The following C2CD3 variants were observed in gnomAD, a reference collection of about 807,000 sequenced individuals.
C2CD3 encodes C2 domain-containing protein 3.
In C2CD3, 148 loss-of-function variants were observed where a neutral mutation model predicts 234.0. That is an observed-to-expected ratio of 0.63 (90% CI 0.55 to 0.72). C2CD3 has a LOEUF of 0.72. C2CD3 is among the 30% of genes least tolerant of loss of function. C2CD3 has a pLI of 0.00. For synonymous variants in C2CD3, 1,000 were observed against 1,035.4 expected (o/e 0.97, Z 0.66); for missense variants, 2,577 against 2,811.5 (o/e 0.92, Z 1.89).
At chr11:74,139,555 C>T in intron 4 of C2CD3, 50 bp downstream of exon 4, 1 of 1,233,234 alleles carries the variant, frequency 8.1e-7, no homozygotes, top group Non-Finnish European at 1.2e-6. Context: ...GAAATCACAA[C>T]TACAGTGCAG....
intron 28 of C2CD3, among the ~76,000 whole-genome samples, chr11:74,044,410 G>A (rs986702588): frequency 1.3e-5 from 2 of 150,798 alleles, no homozygotes; most frequent in Non-Finnish European, 2.9e-5. Flanking sequence ...GGCCAAGATC[G>A]TGCCACTGCA....
At chr11:74,026,807 A>G (rs1174983150) in intron 32 of C2CD3, among the ~76,000 whole-genome samples, 1 of 151,892 alleles carries the variant, frequency 6.6e-6, no homozygotes, top group Non-Finnish European at 1.5e-5. Context: ...GTCTCTACTA[A>G]AAATACAAAA....
chr11:74,057,641 C>T (rs1433414862), intron 24 of C2CD3, 97 bp from the exon 25 acceptor site: 3 of 1,260,292 alleles, frequency 2.4e-6, no homozygotes, highest in East Asian at 4.7e-5. Flanking sequence ...CCTCTTCTTC[C>T]TATGGGGTCT....
intron 3 of C2CD3, among the ~76,000 whole-genome samples, chr11:74,159,750 G>A (rs1280661253): frequency 3.3e-5 from 5 of 151,998 alleles, no homozygotes; most frequent in Non-Finnish European, 7.4e-5. Context: ...TAAATTTAGT[G>A]TAGTCTTCTA....
chr11:74,041,158 C>T (rs60932092), intron 29 of C2CD3, among the ~76,000 whole-genome samples: 2,899 of 152,110 alleles, frequency 0.019, 92 homozygotes, highest in African/African-American at 0.066. Context: ...TTTACATACT[C>T]TCCTCCTTTC....
At chr11:74,162,296 G>A (rs1014049532) in intron 2 of C2CD3, among the ~76,000 whole-genome samples, 2 of 152,044 alleles carry the variant, frequency 1.3e-5, no homozygotes, top group African/African-American at 4.8e-5. Context: ...AAAAAGTGCT[G>A]ACTGTATATG....
At chr11:74,132,422 A>C (rs1447007497) in intron 7 of C2CD3, among the ~76,000 whole-genome samples, 1 of 152,242 alleles carries the variant, frequency 6.6e-6, no homozygotes, top group South Asian at 2.1e-4. Context: ...CTCTATATAC[A>C]TCATTTTTAA....
At chr11:74,058,163 C>CAA (rs952466151) in intron 24 of C2CD3, among the ~76,000 whole-genome samples, 8 of 152,066 alleles carry the variant, frequency 5.3e-5, no homozygotes, top group African/African-American at 1.9e-4. Context: ...GTCAGATGAC[C>CAA]AAATATTGGC....
Position 74,153,404 on chromosome 11 carries a change from T to C in C2CD3, c.483+7995A>G, listed in dbSNP as rs572669022. On this transcript the variant is annotated intron_variant, in intron 3 of 32. Transcript: ENST00000334126. ...ATATAGATTAGAAAAGAAGTAAACC[T>C]GTCTTTATCCACAGATGACATCATT... Among the ~76,000 whole-genome samples, 53 of 152,158 alleles carry C rather than the reference T, an allele frequency of 3.5e-4. 1 individual carries two copies. Among genetic ancestry groups the C allele is most frequent in the Non-Finnish European group, 6.8e-4 (46 of 68,020 alleles).
At chr11:74,166,047 A>C (rs1405078479) in intron 2 of C2CD3, among the ~76,000 whole-genome samples, 1 of 151,948 alleles carries the variant, frequency 6.6e-6, no homozygotes, top group Non-Finnish European at 1.5e-5. Flanking sequence ...GCGGTGGCTC[A>C]CACCTGTAAT....
chr11:74,077,804 T>G (rs1334244738), intron 23 of C2CD3, among the ~76,000 whole-genome samples: 1 of 17,752 alleles, frequency 5.6e-5, no homozygotes, highest in Non-Finnish European at 1.1e-4. Flanking sequence ...TATATATATA[T>G]ATATATATAT....
chr11:74,017,842 C>T (rs775891364), intron 32 of C2CD3, among the ~76,000 whole-genome samples: 24 of 152,314 alleles, frequency 1.6e-4, no homozygotes, highest in Non-Finnish European at 2.9e-4. Context: ...ATGATCTGAT[C>T]CCAGCCACTG....
In C2CD3 at chr11:74,029,363, G is replaced by A. The variant is rs554634479; in HGVS notation, c.6810-965C>T. ...AACTTCAAGAAGGCAGAGATGATCT[G>A]TCTTTCATAACCATATTCCTGTCAC... On this transcript the variant is annotated intron_variant, in intron 31 of 32. Transcript: ENST00000334126. 7.2e-5 allele frequency among the ~76,000 whole-genome samples: 11 copies of A among 152,354 alleles called. No individual in the cohort carries two copies. In the East Asian group the frequency reaches 1.4e-3, roughly 19 times the overall value.
At chr11:74,167,064 G>A (rs1856859209) in intron 2 of C2CD3, among the ~76,000 whole-genome samples, 1 of 152,150 alleles carries the variant, frequency 6.6e-6, no homozygotes, top group East Asian at 1.9e-4. Context: ...GCAACTATAT[G>A]ATCCCATTTT....
intron 32 of C2CD3, among the ~76,000 whole-genome samples, chr11:74,026,621 C>T: frequency 6.6e-6 from 1 of 152,044 alleles, no homozygotes; most frequent in East Asian, 1.9e-4. Context: ...TACCATAAGT[C>T]AAATGTCATG....
intron 22 of C2CD3, 100 bp from the exon 23 acceptor site, chr11:74,078,817 A>G (rs1221942754): frequency 8.9e-7 from 1 of 1,123,718 alleles, no homozygotes; most frequent in East Asian, 2.6e-5. Flanking sequence ...TCCTGGCTCA[A>G]GACAGAACAG....
intron 32 of C2CD3, among the ~76,000 whole-genome samples, chr11:74,017,218 C>A (rs1047325066): frequency 4.6e-5 from 7 of 152,162 alleles, no homozygotes; most frequent in African/African-American, 1.4e-4. Context: ...CTTCAGCGAG[C>A]TGATCTGTAA....
At chr11:74,025,822 A>T (rs895565781) in intron 32 of C2CD3, among the ~76,000 whole-genome samples, 1 of 152,174 alleles carries the variant, frequency 6.6e-6, no homozygotes, top group Admixed American at 6.5e-5. Context: ...ACTTTTAAGG[A>T]AAGTGTGTCT....
chr11:74,034,942 T>G (rs568879946), intron 30 of C2CD3, among the ~76,000 whole-genome samples: 1 of 152,346 alleles, frequency 6.6e-6, no homozygotes, highest in African/African-American at 2.4e-5. Context: ...GAAATGGGCA[T>G]ACACTGTGTG....
Sources: allele counts gnomAD v4.1 joint callset (sites outside exome capture counted in the v4.1 genomes callset), GRCh38; gene constraint gnomAD v4.1.1; transcripts MANE v1.5; gene names NCBI Gene and HGNC (gene_info 2026-07-23, HGNC 2026-07-21).